The following HTR4 variants were observed in gnomAD, a reference collection of about 807,000 sequenced individuals.
HTR4 encodes 5-hydroxytryptamine receptor 4.
Under a neutral mutation model 36.8 loss-of-function variants are expected in HTR4, and 16 were observed. The ratio of observed to expected loss-of-function variants is 0.43; its 90% CI spans 0.29 to 0.66. The LOEUF is 0.66. HTR4 is among the 30% of genes least tolerant of loss of function. The pLI is 0.13. For missense variants in HTR4, 438 were observed against 490.9 expected (o/e 0.89, Z 1.02); for synonymous variants, 189 against 185.1 (o/e 1.02, Z -0.17).
intron 6 of HTR4, among the ~76,000 whole-genome samples, chr5:148,505,274 C>T (rs1341508988): frequency 6.6e-6 from 1 of 152,174 alleles, no homozygotes; most frequent in Admixed American, 6.5e-5. Context: ...ACAAAAACCA[C>T]ATGATTATCT....
intron 1 of HTR4, chr5:148,646,193 C>G (rs1290168026): frequency 6.6e-6 from 1 of 152,236 alleles, no homozygotes; most frequent in Non-Finnish European, 1.5e-5. Flanking sequence ...TCAGGAGACA[C>G]TGGAAGGATG....
At chr5:148,526,215 G>A (rs1046390386) in intron 4 of HTR4, among the ~76,000 whole-genome samples, 16 of 152,176 alleles carry the variant, frequency 1.1e-4, no homozygotes, top group African/African-American at 3.9e-4. Flanking sequence ...AATACAGTTG[G>A]CTAATAACAA....
chr5:148,623,259 C>T (rs1435464195), intron 2 of HTR4, among the ~76,000 whole-genome samples: 5 of 152,166 alleles, frequency 3.3e-5, no homozygotes, highest in Non-Finnish European at 7.4e-5. Context: ...AGCTCCTTGC[C>T]CCCAGGTCCT....
rs1271905283 is a variant in HTR4, at chr5:148,614,376, C to T, written c.26+22613G>A. Among the ~76,000 whole-genome samples, 14 of 151,974 alleles carry T rather than the reference C, an allele frequency of 9.2e-5. No homozygotes were observed. In the East Asian group the frequency reaches 1.5e-3, roughly 17 times the overall value. ...AGAACAGAGCCCTCAGAAATAATGC[C>T]GCATATCTACAACTATCTGATCTTT... is the stretch of plus-strand genomic sequence containing the variant. On this transcript the variant is annotated intron_variant, in intron 2 of 6. Transcript: ENST00000377888.
chr5:148,468,059 G>C (rs891103536), intron 5 of HTR4, among the ~76,000 whole-genome samples: 4 of 152,222 alleles, frequency 2.6e-5, no homozygotes, highest in African/African-American at 9.6e-5. Context: ...TAGGGCCTTA[G>C]CCTGTCAGCC....
chr5:148,481,472 A>C (rs1040391990), downstream of HTR4: 4 of 1,144,198 alleles, frequency 3.5e-6, no homozygotes, highest in Non-Finnish European at 4.9e-6. Context: ...TTCAGAGGCT[A>C]TTTTCCTTCC....
intron 1 of HTR4, among the ~76,000 whole-genome samples, chr5:148,638,053 A>G (rs542008423): frequency 4.6e-5 from 7 of 152,306 alleles, no homozygotes; most frequent in African/African-American, 1.7e-4. Flanking sequence ...TGTTATCTAC[A>G]TAAAAGAACC....
intron 2 of HTR4, among the ~76,000 whole-genome samples, chr5:148,557,836 C>T (rs1760023690): frequency 6.7e-6 from 1 of 150,300 alleles, no homozygotes; most frequent in South Asian, 2.1e-4. Context: ...CCTGGAACTA[C>T]TTCAAGATCA....
intron 6 of HTR4, among the ~76,000 whole-genome samples, chr5:148,505,856 G>T (rs1006108114): frequency 1.3e-5 from 2 of 152,066 alleles, no homozygotes; most frequent in Non-Finnish European, 2.9e-5. Flanking sequence ...ACAAACCACT[G>T]CTCAACGAAA....
chr5:148,521,030 GT>G, intron 5 of HTR4: 1 of 1,363,230 alleles, frequency 7.3e-7, no homozygotes, highest in Non-Finnish European at 9.8e-7. Context: ...GCAGCTCCCT[GT>G]CTTGAGGGTC....
intron 2 of HTR4, among the ~76,000 whole-genome samples, chr5:148,601,167 C>CT (rs1761982667): frequency 6.6e-6 from 1 of 151,470 alleles, no homozygotes; most frequent in Non-Finnish European, 1.5e-5. Flanking sequence ...CACAGAATTG[C>CT]TATTATTAAA....
At chr5:148,464,824 A>G (rs1755381270) in intron 5 of HTR4, among the ~76,000 whole-genome samples, 1 of 152,186 alleles carries the variant, frequency 6.6e-6, no homozygotes, top group Non-Finnish European at 1.5e-5. Flanking sequence ...CTGGAAAGCA[A>G]CCGAGAAATT....
intron 5 of HTR4, among the ~76,000 whole-genome samples, chr5:148,455,471 CT>C (rs1755079051): frequency 6.6e-6 from 1 of 152,212 alleles, no homozygotes. Flanking sequence ...GCATCTGTTT[CT>C]CATGTGCTAA....
chr5:148,559,399 A>G (rs10515616), intron 2 of HTR4, among the ~76,000 whole-genome samples: 71,144 of 151,982 alleles, frequency 0.47, 16,797 homozygotes, highest in East Asian at 0.53. Context: ...GATAATAATC[A>G]CATTGCTAAT....
chr5:148,505,955 A>G (rs533165695), intron 6 of HTR4, among the ~76,000 whole-genome samples: 37 of 152,292 alleles, frequency 2.4e-4, no homozygotes, highest in African/African-American at 8.2e-4. Flanking sequence ...TGCCCAAGGT[A>G]ATTTATAAAT....
At chr5:148,588,318 T>C (rs1314966942) in intron 2 of HTR4, among the ~76,000 whole-genome samples, 3 of 152,208 alleles carry the variant, frequency 2.0e-5, no homozygotes, top group African/African-American at 7.2e-5. Flanking sequence ...TATTACATAA[T>C]GTTGAGCAAA....
At chr5:148,636,964 C>T (rs755288149) in intron 2 of HTR4, 25 bp downstream of exon 2, 4 of 1,451,782 alleles carry the variant, frequency 2.8e-6, no homozygotes, top group Non-Finnish European at 3.9e-6. Context: ...GTTTACAACA[C>T]AATATGTACA....
chr5:148,472,468 G>C (rs1176250572), downstream of HTR4, among the ~76,000 whole-genome samples: 2 of 152,082 alleles, frequency 1.3e-5, no homozygotes, highest in Non-Finnish European at 2.9e-5. Context: ...ACCTTGTCCT[G>C]TTTTTTGCTG....
chr5:148,634,026 CAATT>C (rs2127303304), intron 2 of HTR4, among the ~76,000 whole-genome samples: 1 of 152,212 alleles, frequency 6.6e-6, no homozygotes, highest in African/African-American at 2.4e-5. Context: ...TTAGAAAACT[CAATT>C]AAATGACGCC....
Sources: allele counts gnomAD v4.1 joint callset (sites outside exome capture counted in the v4.1 genomes callset), GRCh38; gene constraint gnomAD v4.1.1; transcripts MANE v1.5; gene names NCBI Gene and HGNC (gene_info 2026-07-23, HGNC 2026-07-21).